The following NEK1 variants were observed in gnomAD, a reference collection of about 807,000 sequenced individuals.
NEK1 encodes serine/threonine-protein kinase Nek1.
A neutral mutation model predicts 182.1 loss-of-function variants in NEK1; 137 were observed. The ratio of observed to expected loss-of-function variants is 0.75; its 90% CI spans 0.65 to 0.87. NEK1 has a LOEUF of 0.87. Among genes scored for constraint, NEK1 ranks in the 40% least tolerant of loss-of-function variants. The pLI, the probability that NEK1 is intolerant of heterozygous loss-of-function variation, is 0.00. For missense variants in NEK1, 1,391 were observed against 1,494.4 expected, an observed-to-expected ratio of 0.93 and a Z score of 1.14; for synonymous variants, 513 against 492.2, an observed-to-expected ratio of 1.04 and a Z score of -0.56.
chr4:169,484,186 T>C (rs551940837), intron 23 of NEK1, among the ~76,000 whole-genome samples: 91 of 152,302 alleles, frequency 6.0e-4, no homozygotes, highest in African/African-American at 2.1e-3. Flanking sequence ...CATACTAGGA[T>C]TACAGTTATG....
At chr4:169,567,029 G>GT (rs752177731) in intron 12 of NEK1, among the ~76,000 whole-genome samples, 3 of 151,852 alleles carry the variant, frequency 2.0e-5, no homozygotes, top group Non-Finnish European at 4.4e-5. Context: ...GGTGGAGGTT[G>GT]TAGTGAGCCA....
intron 2 of NEK1, among the ~76,000 whole-genome samples, chr4:169,602,970 T>A (rs1284179279): frequency 6.6e-6 from 1 of 152,180 alleles, no homozygotes; most frequent in Non-Finnish European, 1.5e-5. Flanking sequence ...AATTAATTAG[T>A]AGCATTACTT....
At chr4:169,585,679 T>A (rs1015340044) in intron 9 of NEK1, 130 bp from the exon 10 acceptor site, 2 of 569,708 alleles carry the variant, frequency 3.5e-6, no homozygotes, top group African/African-American at 1.9e-5. Flanking sequence ...ATAATTAGAA[T>A]ATGTTTTCTA....
chr4:169,511,765 T>G (rs1246531296), intron 19 of NEK1, among the ~76,000 whole-genome samples: 1 of 152,168 alleles, frequency 6.6e-6, no homozygotes, highest in East Asian at 1.9e-4. Flanking sequence ...GAACACTTCA[T>G]AGCCACATTC....
chr4:169,571,121 T>C (rs1764743236), intron 12 of NEK1, among the ~76,000 whole-genome samples: 1 of 151,670 alleles, frequency 6.6e-6, no homozygotes, highest in African/African-American at 2.4e-5. Flanking sequence ...CCTCCACTAT[T>C]GTCCTATGAC....
chr4:169,598,909 C>T (rs1770017946), intron 5 of NEK1, among the ~76,000 whole-genome samples, 191 bp downstream of exon 5: 1 of 152,058 alleles, frequency 6.6e-6, no homozygotes, highest in Admixed American at 6.5e-5. Flanking sequence ...TCATTACAGA[C>T]TATAAATGAG....
intron 19 of NEK1, 39 bp from the exon 20 acceptor site, chr4:169,508,891 A>G: frequency 5.4e-6 from 8 of 1,469,206 alleles, no homozygotes; most frequent in Admixed American, 1.9e-5. Context: ...AAGAATGACT[A>G]AGGCTACATT....
Position 169,424,317 on chromosome 4 carries a change from T to C in NEK1, c.3222+236A>G, listed in dbSNP as rs1457167832. Among the ~76,000 whole-genome samples the C allele has an allele frequency of 5.3e-5, 8 of 152,150 alleles. No individual in the cohort carries two copies. In the East Asian group the frequency reaches 1.5e-3, roughly 29 times the overall value. ...GTGCATGAGGGTATATAAAGGGACT[T>C]TTTGCTCAAGTAAAAGACTCTATAA... On this transcript the variant is annotated intron_variant, in intron 31 of 35. Coordinates refer to ENST00000507142, the MANE Select transcript of NEK1 (RefSeq NM_001199397.3).
chr4:169,443,124 G>C (rs942962153), intron 27 of NEK1, among the ~76,000 whole-genome samples: 4 of 148,216 alleles, frequency 2.7e-5, no homozygotes, highest in Non-Finnish European at 3.0e-5. Context: ...AGACCAGCCT[G>C]GGCAACATGG....
At chr4:169,495,738 C>T (rs1309748786) in intron 23 of NEK1, among the ~76,000 whole-genome samples, 1 of 152,098 alleles carries the variant, frequency 6.6e-6, no homozygotes, top group Non-Finnish European at 1.5e-5. Context: ...TTTCTGAGGG[C>T]TCTGTTCTGT....
chr4:169,443,041 T>TA (rs1258406977), intron 27 of NEK1, among the ~76,000 whole-genome samples: 1 of 141,056 alleles, frequency 7.1e-6, no homozygotes, highest in African/African-American at 2.7e-5. Flanking sequence ...TCTAACCAAG[T>TA]AAAAATATTT....
chr4:169,495,806 C>G (rs1751139016), intron 23 of NEK1, among the ~76,000 whole-genome samples: 2 of 152,114 alleles, frequency 1.3e-5, no homozygotes, highest in South Asian at 4.1e-4. Flanking sequence ...GTTACTGTAG[C>G]CTTGTAGTAT....
chr4:169,565,821 G>A (rs959135277), intron 12 of NEK1, among the ~76,000 whole-genome samples: 1 of 151,560 alleles, frequency 6.6e-6, no homozygotes, highest in African/African-American at 2.4e-5. Context: ...AATGGGGAGT[G>A]GCTGCTAATG....
intron 6 of NEK1, among the ~76,000 whole-genome samples, chr4:169,590,142 T>C (rs1768201274): frequency 6.6e-6 from 1 of 152,062 alleles, no homozygotes; most frequent in Admixed American, 6.5e-5. Flanking sequence ...ACCCCATCTC[T>C]ACTAAAACTA....
At position 169,479,528 on chromosome 4, in the gene NEK1, C is replaced by A. The variant is rs1436462769; in HGVS notation, c.2014G>T (p.Ala672Ser). ...EKKVWEEHLV[A>S]KGVKSSDVSP... ...ACATCAGAACTCTTAACTCCTTTAG[C>A]CACCAACTATAAAAAAGGATTTTAT... The change falls in exon 24 of 36, where the codon GCT becomes TCT. Residue 672 changes from alanine to serine, a missense_variant. Ala to Ser is a moderately conservative substitution (Grantham distance 99). Coordinates refer to ENST00000507142, the MANE Select transcript of NEK1 (RefSeq NM_001199397.3). 2 of 1,594,056 alleles carry A rather than the reference C, an allele frequency of 1.3e-6. No individual in the cohort carries two copies. The highest frequency in any genetic ancestry group is 2.7e-5 in the African/African-American group (2 of 73,628).
chr4:169,435,412 G>A (rs906544713), intron 28 of NEK1, among the ~76,000 whole-genome samples: 58 of 152,158 alleles, frequency 3.8e-4, no homozygotes, highest in African/African-American at 1.2e-3. Flanking sequence ...ACAAACTTTC[G>A]TTCCATAATG....
chr4:169,508,777 CTT>C lies in NEK1; in HGVS notation c.1739_1740del (p.Lys580ArgfsTer19). ...ACATGCGGGAAGCATACCTCTTCCT[CTT>C]TGTTTCTTGGCTTCCCTCCTCTTGA... ...SSSRGGKPRNKEEEVYLARLR... is the reference protein window; with the variant it reads ...SSSRGGKPRNXEEEVYLARLR... On this transcript the variant is annotated frameshift_variant, in exon 20 of 36. Transcript: ENST00000507142. LOFTEE classifies it high-confidence loss of function. The C allele has an allele frequency of 6.3e-7, 1 of 1,580,834 alleles. No homozygotes were observed. The highest frequency in any genetic ancestry group is 2.2e-5 in the East Asian group (1 of 44,500).
In NEK1 at chr4:169,599,089, T is replaced by A. The variant is rs774189582; in HGVS notation, c.312+11A>T. The A allele has an allele frequency of 2.5e-6, 4 of 1,607,788 alleles. No individual in the cohort carries two copies. Among genetic ancestry groups the A allele is most frequent in the Non-Finnish European group, 3.4e-6 (4 of 1,175,570 alleles). ...ATAGAGTAAGAGTCAATTTCCTAAA[T>A]GCAAACTTACCTGATCCTCTTGAAA... On this transcript the variant is annotated intron_variant, in intron 5 of 35. Transcript: ENST00000507142.
In NEK1 at chr4:169,446,470, C is replaced by T. The variant is rs893100193; in HGVS notation, c.2588-8211G>A. 2.4e-4 allele frequency among the ~76,000 whole-genome samples: 36 copies of T among 152,044 alleles called. 1 individual carries two copies. Among genetic ancestry groups the T allele is most frequent in the Admixed American group, 1.1e-3 (17 of 15,256 alleles). ...CACAGACAACCTCCCAAAATAACTA[C>T]AATAAATATCAAATTCTTCAACACC... On this transcript the variant is annotated intron_variant, in intron 27 of 35. Transcript: ENST00000507142.
Sources: allele counts gnomAD v4.1 joint callset (sites outside exome capture counted in the v4.1 genomes callset), GRCh38; gene constraint gnomAD v4.1.1; transcripts MANE v1.5; gene names NCBI Gene and HGNC (gene_info 2026-07-23, HGNC 2026-07-21).